TRIP11: variants seen among roughly 807,000 people sequenced by gnomAD.
TRIP11 encodes the protein thyroid hormone receptor interactor 11.
In TRIP11, 148 loss-of-function variants were observed where a neutral mutation model predicts 223.1. The observed-to-expected ratio is 0.66, with a 90% CI of 0.58 to 0.76. TRIP11 has a LOEUF of 0.76. TRIP11 is among the 30% of genes least tolerant of loss of function. The pLI, the probability that TRIP11 is intolerant of heterozygous loss-of-function variation, is 0.00. For missense variants in TRIP11, 2,043 were observed against 2,222.0 expected, an observed-to-expected ratio of 0.92 and a Z score of 1.62; for synonymous variants, 762 against 772.6, an observed-to-expected ratio of 0.99 and a Z score of 0.23.
In TRIP11 at chr14:91,975,243, T is replaced by C. The variant is rs765394402; in HGVS notation, c.5386A>G (p.Lys1796Glu). Residue 1796 changes from lysine to glutamate, a missense_variant, in exon 18 of 21, where the codon AAA (lysine) becomes GAA (glutamate). Lys to Glu is a moderately conservative substitution (Grantham distance 56). Transcript: ENST00000267622. Reference protein sequence around the residue: ...NLFIGHFHTPKNQRHEVLRLM... With the variant: ...NLFIGHFHTPENQRHEVLRLM... ...CGTAACACTTCATGACGCTGATTTT[T>C]CGGTGTGTGGAAATGACCAATGAAG... The C allele has an allele frequency of 6.2e-7, 1 of 1,613,746 alleles. No individual in the cohort carries two copies. Among genetic ancestry groups the C allele is most frequent in the African/African-American group, 1.3e-5 (1 of 74,926 alleles).
intron 9 of TRIP11, among the ~76,000 whole-genome samples, chr14:92,008,320 C>T (rs1298251577): frequency 1.3e-5 from 2 of 152,184 alleles, no homozygotes; most frequent in Non-Finnish European, 2.9e-5. Flanking sequence ...AATCAACACT[C>T]CTTCACCCAA....
rs1414576388 is a variant in TRIP11, at chr14:91,969,613, CATA to C, written c.*57_*59del. ...CCAAAGGCCACTTTGTGATAAAGTA[CATA>C]CATATAGTGTTCATGGTTTCTTTAA... On this transcript the variant is annotated 3_prime_UTR_variant, in exon 21 of 21. Transcript: ENST00000267622. 6.5e-7 allele frequency: 1 copy of C among 1,532,970 alleles called. No individual in the cohort carries two copies. Among genetic ancestry groups the C allele is most frequent in the African/African-American group, 1.4e-5 (1 of 73,298 alleles). The allele number at this position is 1,532,970 out of a possible 1,614,324, so 95.0% of individuals were successfully genotyped here.
At chr14:92,024,595 A>G (rs1244994087) in intron 3 of TRIP11, among the ~76,000 whole-genome samples, 1 of 152,208 alleles carries the variant, frequency 6.6e-6, no homozygotes, top group African/African-American at 2.4e-5. Context: ...AGGAATTAGA[A>G]AGCATGACAC....
intron 2 of TRIP11, among the ~76,000 whole-genome samples, chr14:92,031,067 G>C (rs1242127742): frequency 6.6e-6 from 1 of 151,890 alleles, no homozygotes; most frequent in Non-Finnish European, 1.5e-5. Flanking sequence ...CTGGGCAACA[G>C]AGCAAGACAT....
At chr14:91,979,227 G>A (rs963353572) in intron 16 of TRIP11, among the ~76,000 whole-genome samples, 38 of 146,186 alleles carry the variant, frequency 2.6e-4, no homozygotes, top group African/African-American at 8.7e-4. Context: ...ACTGCACTCC[G>A]GCCTGGACAA....
Position 91,969,252 on chromosome 14 carries a change from C to T in TRIP11, c.*421G>A. The T allele has an allele frequency of 3.2e-6, 1 of 310,450 alleles. No homozygotes were observed. The highest frequency in any genetic ancestry group is 6.0e-6 in the Non-Finnish European group (1 of 165,490). The allele number at this position is 310,450 out of a possible 1,614,324, so 19.2% of individuals were successfully genotyped here. A position where few individuals can be genotyped will look rare whatever the true frequency, so the allele number is the denominator to read the frequency against. On this transcript the variant is annotated 3_prime_UTR_variant, in exon 21 of 21. Transcript: ENST00000267622. The stretch of plus-strand genomic sequence containing the variant: ...CTTCAAATCAACTTTCTGCACTATG[C>T]AGAGAAGCCACTACTAGTATTTTTT...
intron 2 of TRIP11, among the ~76,000 whole-genome samples, chr14:92,030,070 G>A (rs1050915709): frequency 6.6e-5 from 10 of 151,006 alleles, no homozygotes; most frequent in African/African-American, 1.2e-4. Flanking sequence ...AGTGGCGGGC[G>A]CCTGTAGTCC....
At position 91,982,947 on chromosome 14, in the gene TRIP11, A is replaced by G. The variant is rs145592772; in HGVS notation, c.5260+5337T>C. Among the ~76,000 whole-genome samples the G allele has an allele frequency of 1.6e-3, 243 of 152,010 alleles. 1 individual carries two copies. Among genetic ancestry groups the G allele is most frequent in the Non-Finnish European group, 2.8e-3 (190 of 67,964 alleles). On this transcript the variant is annotated intron_variant, in intron 16 of 20. Coordinates refer to ENST00000267622, the MANE Select transcript of TRIP11 (RefSeq NM_004239.4). ...ACATGCATGTGCACACATACCCACC[A>G]CCCTTGGTCATTACTAGTCAACTGT...
chr14:92,038,276 C>T (rs2057345186), intron 1 of TRIP11, among the ~76,000 whole-genome samples: 1 of 152,110 alleles, frequency 6.6e-6, no homozygotes, highest in South Asian at 2.1e-4. Context: ...TATTCTCTGG[C>T]TTAGGGTCTA....
At chr14:92,033,390 C>A (rs748913290) in intron 1 of TRIP11, 137 bp from the exon 2 acceptor site, 8 of 683,034 alleles carry the variant, frequency 1.2e-5, no homozygotes, top group Non-Finnish European at 2.0e-5. Context: ...AGAAACAAAT[C>A]GCTTTATTTC....
intron 2 of TRIP11, 97 bp from the exon 3 acceptor site, chr14:92,025,517 C>CCCA (rs1374152842): frequency 1.3e-5 from 10 of 781,988 alleles, no homozygotes; most frequent in African/African-American, 7.2e-5. Context: ...TTTCCCCCCC[C>CCCA]AAAAATGTCA....
intron 1 of TRIP11, among the ~76,000 whole-genome samples, chr14:92,034,973 C>A (rs1181119774): frequency 6.6e-6 from 1 of 151,650 alleles, no homozygotes; most frequent in Non-Finnish European, 1.5e-5. Flanking sequence ...AGAGTGAGAG[C>A]CCAGCAGTGT....
chr14:91,986,208 A>G (rs2056602385), intron 16 of TRIP11, among the ~76,000 whole-genome samples: 2 of 152,226 alleles, frequency 1.3e-5, no homozygotes, highest in Admixed American at 6.5e-5. Flanking sequence ...CCTAAGCTTT[A>G]TCATCTATAA....
At position 91,966,525 on chromosome 14, in the gene TRIP11, C is replaced by A. The variant is rs2056343795; in HGVS notation, c.*3148G>T. ...CTGTCCCTGAAGACATAGCTTTTCCCCCCATTGATTGGATAAGTATTTTGA... is the reference window on the plus strand; with the variant it reads ...CTGTCCCTGAAGACATAGCTTTTCCACCCATTGATTGGATAAGTATTTTGA... On this transcript the variant is annotated 3_prime_UTR_variant, in exon 21 of 21. Coordinates refer to ENST00000267622, the MANE Select transcript of TRIP11 (RefSeq NM_004239.4). 1 of 199,158 alleles carries A rather than the reference C, an allele frequency of 5.0e-6. No individual in the cohort carries two copies. The highest frequency in any genetic ancestry group is 7.8e-5 in the East Asian group (1 of 12,748). 12.3% of individuals were successfully genotyped at this position (199,158 alleles called of 1,614,324 possible).
At position 92,003,532 on chromosome 14, in the gene TRIP11, A is replaced by C. The variant is rs1024028952; in HGVS notation, c.4444T>G (p.Leu1482Val). 18 of 1,613,950 alleles carry C rather than the reference A, an allele frequency of 1.1e-5. No homozygotes were observed. Among genetic ancestry groups the C allele is most frequent in the Non-Finnish European group, 1.5e-5 (18 of 1,179,990 alleles). ...YRGKETEYQA[L>V]QETNMKFSMM... ...GAAAACTTCATGTTAGTCTCTTGTA[A>C]CGCTTGATATTCTGTTTCCTTTCCC... The change falls in exon 11 of 21, where the codon TTA (leucine) becomes GTA (valine). Residue 1482 changes from leucine to valine, a missense_variant. By Grantham distance (32) the Leu-to-Val change is conservative. Coordinates refer to ENST00000267622, the MANE Select transcript of TRIP11 (RefSeq NM_004239.4).
At chr14:92,029,686 C>T (rs905017287) in intron 2 of TRIP11, among the ~76,000 whole-genome samples, 5 of 151,708 alleles carry the variant, frequency 3.3e-5, no homozygotes, top group African/African-American at 4.9e-5. Flanking sequence ...TCTCTTTCAT[C>T]GAACACAGTT....
At chr14:92,030,447 G>C (rs976025454) in intron 2 of TRIP11, 1 of 151,784 alleles carries the variant, frequency 6.6e-6, no homozygotes, top group African/African-American at 2.4e-5. Flanking sequence ...GAGTGCAATG[G>C]TGGGATCTTG....
At position 92,014,197 on chromosome 14, in the gene TRIP11, G is replaced by C. The variant is rs757471667; in HGVS notation, c.1186+18C>G. On this transcript the variant is annotated intron_variant, in intron 7 of 20. Coordinates refer to ENST00000267622, the MANE Select transcript of TRIP11 (RefSeq NM_004239.4). ...GCAATGAAACAGCAATCTGAAATAAGTTCCAAAGACTGTATACCAGACAGT... is the reference window on the plus strand; with the variant it reads ...GCAATGAAACAGCAATCTGAAATAACTTCCAAAGACTGTATACCAGACAGT... The C allele has an allele frequency of 2.2e-5, 35 of 1,613,634 alleles. No individual in the cohort carries two copies. The highest frequency in any genetic ancestry group is 3.0e-5 in the Non-Finnish European group (35 of 1,179,962).
chr14:91,990,299 G>GAAACTTCAT (rs2056656093), intron 15 of TRIP11, among the ~76,000 whole-genome samples: 1 of 152,070 alleles, frequency 6.6e-6, no homozygotes, highest in South Asian at 2.1e-4. Flanking sequence ...TTGTACTTAT[G>GAAACTTCAT]AAGTTATTAA....
Sources: allele counts gnomAD v4.1 joint callset (sites outside exome capture counted in the v4.1 genomes callset), GRCh38; gene constraint gnomAD v4.1.1; transcripts MANE v1.5; gene names NCBI Gene and HGNC (gene_info 2026-07-23, HGNC 2026-07-21).